The following PIP4K2A variants were observed in gnomAD, a reference collection of about 807,000 sequenced individuals.
The protein encoded by PIP4K2A is phosphatidylinositol 5-phosphate 4-kinase type-2 alpha.
PIP4K2A carries 14 observed loss-of-function variants against 42.9 expected under a neutral mutation model. The ratio of observed to expected loss-of-function variants is 0.33; its 90% confidence interval spans 0.22 to 0.51. The LOEUF (loss-of-function observed/expected upper bound fraction) is 0.51. Ranked by LOEUF, PIP4K2A falls within the 20% of genes least tolerant of loss-of-function variation. PIP4K2A has a pLI of 0.97. For synonymous variants in PIP4K2A, 192 were observed against 192.2 expected, an observed-to-expected ratio of 1.00 and a Z score of 0.01; for missense variants, 434 against 519.8, an observed-to-expected ratio of 0.83 and a Z score of 1.61.
chr10:22,555,152 C>T (rs1380033285), intron 6 of PIP4K2A, among the ~76,000 whole-genome samples: 4 of 152,128 alleles, frequency 2.6e-5, no homozygotes, highest in African/African-American at 9.7e-5. Flanking sequence ...GACCCCAGGT[C>T]GACTAGGCAT....
intron 6 of PIP4K2A, among the ~76,000 whole-genome samples, chr10:22,554,850 G>A (rs948426999): frequency 4.6e-5 from 7 of 152,194 alleles, no homozygotes; most frequent in Admixed American, 2.6e-4. Context: ...ATTCCTGCCC[G>A]GGTCGGGGGC....
chr10:22,566,667 C>T (rs905782554), intron 6 of PIP4K2A, among the ~76,000 whole-genome samples: 19 of 151,930 alleles, frequency 1.3e-4, no homozygotes, highest in African/African-American at 3.6e-4. Context: ...AGCAAATGCA[C>T]CAAATACTCC....
chr10:22,633,090 G>GC (rs889743237), intron 1 of PIP4K2A, among the ~76,000 whole-genome samples: 1 of 152,112 alleles, frequency 6.6e-6, no homozygotes, highest in Non-Finnish European at 1.5e-5. Context: ...CTATTACACA[G>GC]CCCCCCTCTT....
intron 1 of PIP4K2A, among the ~76,000 whole-genome samples, chr10:22,691,215 C>T (rs1208295316): frequency 6.6e-6 from 1 of 152,162 alleles, no homozygotes; most frequent in Non-Finnish European, 1.5e-5. Flanking sequence ...GCCCAGAGCT[C>T]GTCCCCTGAA....
rs1009741889 is a variant in PIP4K2A at position 22,681,189 on chromosome 10, C to T, written c.144+32994G>A. ...CTTTGGCCAATTCCTTTGGATTTCA[C>T]TCTTTTAAAGATTCCCAGGTGCAAG... On this transcript the variant is annotated intron_variant, in intron 1 of 9. Transcript: ENST00000376573. Among the ~76,000 whole-genome samples the T allele has an allele frequency of 4.6e-5, 7 of 152,294 alleles. No homozygotes were observed. The East Asian group carries it at 1.3e-3, about 29-fold the overall frequency.
chr10:22,551,095 A>G (rs1366866547), intron 6 of PIP4K2A, among the ~76,000 whole-genome samples: 2 of 152,202 alleles, frequency 1.3e-5, no homozygotes, highest in East Asian at 3.9e-4. Flanking sequence ...ACTTTCTTAC[A>G]AGAAGTCTTC....
intron 6 of PIP4K2A, among the ~76,000 whole-genome samples, chr10:22,562,145 G>A (rs1435002814): frequency 1.3e-5 from 2 of 152,116 alleles, no homozygotes; most frequent in African/African-American, 4.8e-5. Context: ...AGGCTTTTTG[G>A]AAGAGTCAAA....
chr10:22,676,532 G>A (rs116251415), intron 1 of PIP4K2A, among the ~76,000 whole-genome samples: 22 of 152,096 alleles, frequency 1.4e-4, no homozygotes, highest in Non-Finnish European at 2.5e-4. Flanking sequence ...TACAGTTATA[G>A]GTGGAGAGTC....
intron 1 of PIP4K2A, among the ~76,000 whole-genome samples, chr10:22,625,344 T>C (rs1470769606): frequency 1.3e-5 from 2 of 152,218 alleles, no homozygotes; most frequent in African/African-American, 4.8e-5. Flanking sequence ...TTCTGTAGTG[T>C]TAAAATTACT....
At chr10:22,675,864 C>G (rs181815517) in intron 1 of PIP4K2A, among the ~76,000 whole-genome samples, 2 of 152,260 alleles carry the variant, frequency 1.3e-5, no homozygotes. Flanking sequence ...TCTGACATTT[C>G]CCGACTTGGA....
chr10:22,579,743 T>C (rs973492664), intron 4 of PIP4K2A, among the ~76,000 whole-genome samples: 9 of 151,826 alleles, frequency 5.9e-5, no homozygotes, highest in Non-Finnish European at 1.3e-4. Flanking sequence ...ACCCCGCCTC[T>C]ACTAAACATA....
intron 1 of PIP4K2A, among the ~76,000 whole-genome samples, chr10:22,686,343 C>A (rs954023246): frequency 2.6e-5 from 4 of 152,176 alleles, no homozygotes; most frequent in South Asian, 4.1e-4. Flanking sequence ...GGACTTTAAA[C>A]CCCTGGATTC....
At chr10:22,638,297 C>T (rs1446185343) in intron 1 of PIP4K2A, among the ~76,000 whole-genome samples, 1 of 152,224 alleles carries the variant, frequency 6.6e-6, no homozygotes, top group African/African-American at 2.4e-5. Context: ...CTCCACTCTT[C>T]TCTGCCACAC....
intron 3 of PIP4K2A, among the ~76,000 whole-genome samples, chr10:22,598,091 C>T (rs1837673033): frequency 6.6e-6 from 1 of 152,210 alleles, no homozygotes; most frequent in Non-Finnish European, 1.5e-5. Context: ...GGCACAGTGG[C>T]TAATGCCTGT....
intron 1 of PIP4K2A, among the ~76,000 whole-genome samples, chr10:22,647,184 G>A (rs56412842): frequency 0.027 from 4,063 of 152,188 alleles, 109 homozygotes; most frequent in African/African-American, 0.07. Context: ...ATTATTTCAT[G>A]GGCTTTAAGT....
chr10:22,647,692 C>A (rs902126885), intron 1 of PIP4K2A, among the ~76,000 whole-genome samples: 4 of 152,180 alleles, frequency 2.6e-5, no homozygotes, highest in Non-Finnish European at 5.9e-5. Context: ...AAGGAAAAGG[C>A]CTCAGAAAGG....
At chr10:22,598,920 T>C (rs1239718099) in intron 3 of PIP4K2A, among the ~76,000 whole-genome samples, 2 of 152,236 alleles carry the variant, frequency 1.3e-5, no homozygotes, top group African/African-American at 4.8e-5. Context: ...ATTCCTTTTC[T>C]TCTTTCTATA....
intron 5 of PIP4K2A, among the ~76,000 whole-genome samples, chr10:22,568,722 G>A (rs868059322): frequency 2.0e-5 from 3 of 152,168 alleles, no homozygotes; most frequent in African/African-American, 4.8e-5. Flanking sequence ...GAAACTTCCC[G>A]TGGCTTGTGG....
Position 22,591,655 on chromosome 10 carries a change from G to C in PIP4K2A, c.466C>G (p.His156Asp), listed in dbSNP as rs765657130. 1 of 1,609,592 alleles carries C rather than the reference G, an allele frequency of 6.2e-7. No homozygotes were observed. The highest frequency in any genetic ancestry group is 2.2e-5 in the East Asian group (1 of 44,694). Residue 156 changes from histidine (H) to aspartate (D), a missense_variant, in exon 4 of 10, where the codon CAC becomes GAC. Physicochemically the swap from His to Asp is moderately conservative, Grantham distance 81. Around this residue, in one of 2 missense-constraint regions of PIP4K2A, gnomAD observed 395 missense variants for 444.5 expected, o/e 0.89. Coordinates refer to ENST00000376573, the MANE Select transcript of PIP4K2A (RefSeq NM_005028.5). ...TITSEDVAEM[H>D]NILKKYHQYI... ...TGGTGGTATTTCTTCAGGATGTTGT[G>C]CATTTCGGCCACGTCTTCACTGGTA... is the stretch of plus-strand genomic sequence containing the variant.
Sources: gnomAD v4.1 joint callset for allele counts (sites outside exome capture counted in the v4.1 genomes callset) on GRCh38, gnomAD v4.1.1 for gene constraint, gnomAD v4.1.1 regional missense constraint, MANE v1.5 for transcripts, NCBI Gene and HGNC (gene_info 2026-07-23, HGNC 2026-07-21) for gene names.